UPF3B: variants seen among roughly 807,000 people sequenced by gnomAD.
UPF3B encodes the protein regulator of nonsense transcripts 3B.
UPF3B carries 7 observed loss-of-function variants against 40.3 expected under a neutral mutation model. The ratio of observed to expected loss-of-function variants is 0.17; its 90% CI spans 0.10 to 0.33. The LOEUF (loss-of-function observed/expected upper bound fraction) is 0.33, where lower values mean the gene tolerates loss of function less well. Among genes scored for constraint, UPF3B ranks in the 10% least tolerant of loss-of-function variants. The pLI, the probability that UPF3B is intolerant of heterozygous loss-of-function variation, is 1.00. For synonymous variants in UPF3B, 117 were observed against 117.3 expected (o/e 1.00, Z 0.01); for missense variants, 229 against 358.9 (o/e 0.64, Z 2.93).
At chrX:119,806,156 A>C (rs1296766681) in intron 6 of UPF3B, among the ~76,000 whole-genome samples, 1 of 72,988 alleles carries the variant, frequency 1.4e-5, no homozygotes, top group African/African-American at 5.2e-5. Context: ...TGCAGCCATA[A>C]AAAATGATGA....
intron 6 of UPF3B, among the ~76,000 whole-genome samples, chrX:119,841,491 G>C (rs2056160796): frequency 8.9e-6 from 1 of 111,829 alleles, no homozygotes; most frequent in Non-Finnish European, 1.9e-5. Flanking sequence ...GAGGCTTTCA[G>C]AATATCAAAT....
At chrX:119,838,162 G>A (rs1334362919) in intron 9 of UPF3B, 111 bp from the exon 10 acceptor site, 17 of 1,026,389 alleles carry the variant, frequency 1.7e-5, no homozygotes, top group Non-Finnish European at 2.3e-5. Context: ...TTTTAGAGCA[G>A]AGTGAAAAAT....
At chrX:119,811,099 C>T (rs930153441) in intron 5 of UPF3B, among the ~76,000 whole-genome samples, 4 of 108,863 alleles carry the variant, frequency 3.7e-5, no homozygotes, top group Admixed American at 9.8e-5. Context: ...AGTGCAGTGA[C>T]GTGATCTCCG....
In UPF3B at chrX:119,825,086, A is replaced by G. The variant is rs149520164; in HGVS notation, c.393-2043T>C. On this transcript the variant is annotated intron_variant, in intron 3 of 6. Transcript: ENST00000636792. ...CCAGCCGTATCTCCATTTCTTTCAC[A>G]GCTGTATTAGTCCGTTTTCACACTG... is the stretch of plus-strand genomic sequence containing the variant. 3.0e-4 allele frequency among the ~76,000 whole-genome samples: 33 copies of G among 111,203 alleles called. No homozygotes were observed. In the East Asian group the frequency reaches 9.2e-3, roughly 31 times the overall value.
In UPF3B at chrX:119,837,799, T is replaced by C. The variant is rs777574933; in HGVS notation, c.1260A>G (p.Glu420=). The change falls in exon 10 of 11, where the codon GAA becomes GAG. Residue 420 remains glutamate (E), a synonymous_variant. Coordinates refer to ENST00000276201, the MANE Select transcript of UPF3B (RefSeq NM_080632.3). ...TESIGSSEKT[E]KKEEVVKRDR... ...CTCTCTTGACCACTTCTTCTTTCTT[T>C]TCAGTTTTTTCTGAGCTGCCTATTG... 1.8e-5 allele frequency: 22 copies of C among 1,210,648 alleles called. No individual in the cohort carries two copies. The Admixed American group carries it at 4.6e-4, about 25-fold the overall frequency.
chrX:119,828,193 G>A (rs762829096), intron 3 of UPF3B, among the ~76,000 whole-genome samples: 1 of 110,597 alleles, frequency 9.0e-6, no homozygotes, highest in South Asian at 3.8e-4. Context: ...AATTGGAGCT[G>A]GAAGGAAAGG....
At chrX:119,813,480 C>T (rs1489518408) in intron 5 of UPF3B, among the ~76,000 whole-genome samples, 2 of 111,024 alleles carry the variant, frequency 1.8e-5, no homozygotes, top group Non-Finnish European at 3.8e-5. Context: ...CTGAGGCCTC[C>T]CAGAAGCTGA....
chrX:119,836,692 C>T lies in UPF3B; in HGVS notation c.1302+1065G>A, dbSNP rs746703112. ...TTGAGACAGAGTCTCGCTCTGTTGC[C>T]CGTGCTGGAGTGCAGTGACGCGATC... On this transcript the variant is annotated intron_variant, in intron 10 of 10. Coordinates refer to ENST00000276201, the MANE Select transcript of UPF3B (RefSeq NM_080632.3). Among the ~76,000 whole-genome samples the T allele has an allele frequency of 8.4e-5, 9 of 107,315 alleles. No individual in the cohort carries two copies. The South Asian group carries it at 2.6e-3, about 30-fold the overall frequency. The allele number at this position is 107,315 out of a possible 115,157, so 93.2% of individuals were successfully genotyped here.
chrX:119,827,334 A>G (rs2055988851), intron 3 of UPF3B, among the ~76,000 whole-genome samples: 1 of 111,795 alleles, frequency 8.9e-6, no homozygotes, highest in African/African-American at 3.2e-5. Context: ...AGACAAAAAT[A>G]AATAAATATA....
chrX:119,812,615 C>T lies in UPF3B; in HGVS notation c.602+2585G>A, dbSNP rs747435168. Among the ~76,000 whole-genome samples the T allele has an allele frequency of 3.6e-5, 4 of 111,642 alleles. No individual in the cohort carries two copies. In the South Asian group the frequency reaches 1.5e-3, roughly 42 times the overall value. ...TAACCCAGAGTCTTCTGGTTTTTCTCCTACTCTCTGGCTAGTCCTTCTCTG... is the reference window on the plus strand; with the variant it reads ...TAACCCAGAGTCTTCTGGTTTTTCTTCTACTCTCTGGCTAGTCCTTCTCTG... On this transcript the variant is annotated intron_variant, in intron 5 of 6. Coordinates refer to the UPF3B transcript ENST00000636792.
At chrX:119,838,679 AGAG>A in intron 8 of UPF3B, 152 bp from the exon 9 acceptor site, 3 of 541,200 alleles carry the variant, frequency 5.5e-6, no homozygotes, top group Non-Finnish European at 9.1e-6. Flanking sequence ...CTAGTGCATA[AGAG>A]TAGTAATTTA....
At chrX:119,845,370 T>C in intron 3 of UPF3B, 74 bp from the exon 4 acceptor site, 1 of 868,893 alleles carries the variant, frequency 1.2e-6, no homozygotes, top group Non-Finnish European at 1.7e-6. Flanking sequence ...AATCAACCCA[T>C]TGCTTTCTAT....
rs1055309355 is a variant in UPF3B at position 119,807,046 on chromosome X, A to G, written c.*11+429T>C. 1.4e-4 allele frequency among the ~76,000 whole-genome samples: 14 copies of G among 97,396 alleles called. No homozygotes were observed. The South Asian group carries it at 1.8e-3, about 13-fold the overall frequency. The allele number at this position is 97,396 out of a possible 115,157, so 84.6% of individuals were successfully genotyped here. A position where few individuals can be genotyped will look rare whatever the true frequency, so the allele number is the denominator to read the frequency against. Reference sequence around the variant, plus strand: ...CCTGTCTAAAAAAAAAAAAAAAAAAAAAAAAGAAAAAAAAAAAAGAAAATT... The same window carrying G: ...CCTGTCTAAAAAAAAAAAAAAAAAAGAAAAAGAAAAAAAAAAAAGAAAATT... On this transcript the variant is annotated intron_variant, in intron 6 of 6. Transcript: ENST00000636792.
At chrX:119,851,979 C>A in intron 1 of UPF3B, 106 bp from the exon 2 acceptor site, 1 of 538,245 alleles carries the variant, frequency 1.9e-6, no homozygotes, top group South Asian at 2.8e-5. Flanking sequence ...TATGAGATCA[C>A]TTGTAAAAAC....
At chrX:119,813,879 T>G (rs1172512575) in intron 5 of UPF3B, among the ~76,000 whole-genome samples, 1 of 110,918 alleles carries the variant, frequency 9.0e-6, no homozygotes, top group African/African-American at 3.3e-5. Context: ...TCTTTTCTTA[T>G]CAATTACCCA....
chrX:119,844,377 A>G (rs2056202221), intron 4 of UPF3B, among the ~76,000 whole-genome samples: 1 of 110,519 alleles, frequency 9.0e-6, no homozygotes, highest in South Asian at 3.8e-4. Flanking sequence ...TGTTCAACCT[A>G]ATACTATGTG....
chrX:119,841,416 C>T (rs1477313539), intron 6 of UPF3B, among the ~76,000 whole-genome samples, 158 bp from the exon 7 acceptor site: 1 of 111,780 alleles, frequency 8.9e-6, no homozygotes. Flanking sequence ...ACCCAGAAAA[C>T]GAAAGACAAT....
intron 3 of UPF3B, among the ~76,000 whole-genome samples, chrX:119,847,296 A>C (rs2056246147): frequency 9.0e-6 from 1 of 111,025 alleles, no homozygotes; most frequent in Non-Finnish European, 1.9e-5. Context: ...AAAATACAAA[A>C]ATTAGCTGGG....
At chrX:119,830,404 C>G (rs1464212837), downstream of UPF3B, among the ~76,000 whole-genome samples, 1 of 110,356 alleles carries the variant, frequency 9.1e-6, no homozygotes, top group Non-Finnish European at 1.9e-5. Flanking sequence ...ACCTCCTCCC[C>G]GCACTCACTC....
Sources: gnomAD v4.1 joint callset for allele counts (sites outside exome capture counted in the v4.1 genomes callset) on GRCh38, gnomAD v4.1.1 for gene constraint, MANE v1.5 for transcripts, NCBI Gene and HGNC (gene_info 2026-07-23, HGNC 2026-07-21) for gene names.